Variants in ARL15 observed in about 807,000 individuals in gnomAD.
The protein encoded by ARL15 is ARF like GTPase 15.
ARL15 carries 19 observed loss-of-function variants against 25.2 expected under a neutral mutation model. That is an observed-to-expected ratio of 0.75 (90% CI 0.53 to 1.10). The LOEUF (loss-of-function observed/expected upper bound fraction) is 1.10, where lower values mean the gene tolerates loss of function less well. Among genes scored for constraint, ARL15 ranks in the 50% least tolerant of loss-of-function variants. The pLI is 0.00. For synonymous variants in ARL15, 94 were observed against 86.8 expected (o/e 1.08, Z -0.46); for missense variants, 220 against 246.0 (o/e 0.89, Z 0.71).
chr5:53,979,656 C>T (rs1301016154), intron 4 of ARL15, among the ~76,000 whole-genome samples: 2 of 152,206 alleles, frequency 1.3e-5, no homozygotes, highest in African/African-American at 2.4e-5. Context: ...GGAGACAATT[C>T]TGGCTGGCCT....
At chr5:53,914,993 T>G (rs1390319541) in intron 4 of ARL15, among the ~76,000 whole-genome samples, 2 of 152,182 alleles carry the variant, frequency 1.3e-5, no homozygotes, top group Non-Finnish European at 2.9e-5. Context: ...GTATTTTTAG[T>G]AGAGACGGGG....
chr5:54,146,282 T>C (rs1009649818), intron 3 of ARL15, among the ~76,000 whole-genome samples: 2 of 151,992 alleles, frequency 1.3e-5, no homozygotes, highest in African/African-American at 4.8e-5. Context: ...CATAATCCTG[T>C]ACAGAGGTTA....
chr5:54,194,843 T>G (rs1755506878), intron 1 of ARL15, among the ~76,000 whole-genome samples: 1 of 152,188 alleles, frequency 6.6e-6, no homozygotes, highest in Admixed American at 6.5e-5. Context: ...ATGTTTGATC[T>G]AACTTGTACC....
chr5:53,900,018 C>A (rs1236460251), intron 4 of ARL15, among the ~76,000 whole-genome samples: 1 of 152,196 alleles, frequency 6.6e-6, no homozygotes, highest in African/African-American at 2.4e-5. Context: ...ACTCAGCAAT[C>A]CCTTCTAGTA....
At chr5:54,061,437 C>A (rs1486518034) in intron 4 of ARL15, among the ~76,000 whole-genome samples, 1 of 151,972 alleles carries the variant, frequency 6.6e-6, no homozygotes, top group Non-Finnish European at 1.5e-5. Context: ...TAGTGAAACC[C>A]CATCACTACT....
rs1747470952 is a variant in ARL15 at position 53,964,243 on chromosome 5, TA to T, written c.463-77531del. Among the ~76,000 whole-genome samples, 4 of 152,376 alleles carry T rather than the reference TA, an allele frequency of 2.6e-5. No individual in the cohort carries two copies. The Middle Eastern group carries it at 0.01, about 389-fold the overall frequency. The stretch of plus-strand genomic sequence containing the variant: ...GTCCCACTAAAATCAGTTAGTATAG[TA>T]TCCCACTGTAAAGTCATTTCACTTT... On this transcript the variant is annotated intron_variant, in intron 4 of 4. Coordinates refer to ENST00000504924, the MANE Select transcript of ARL15 (RefSeq NM_019087.3).
intron 1 of ARL15, among the ~76,000 whole-genome samples, chr5:54,239,210 G>GAA (rs903595262): frequency 4.1e-5 from 6 of 146,632 alleles, no homozygotes; most frequent in Non-Finnish European, 7.5e-5. Context: ...AATGGCAAGG[G>GAA]AAAAGGCTTT....
chr5:53,890,059 C>T (rs1009247516), intron 4 of ARL15, among the ~76,000 whole-genome samples: 1 of 152,138 alleles, frequency 6.6e-6, no homozygotes, highest in Non-Finnish European at 1.5e-5. Flanking sequence ...ACAATCTGCC[C>T]ACCTTGGCCT....
intron 3 of ARL15, among the ~76,000 whole-genome samples, chr5:54,139,541 TA>T (rs954903189): frequency 6.6e-6 from 1 of 152,062 alleles, no homozygotes; most frequent in Admixed American, 6.5e-5. Flanking sequence ...GGGTAAGGGA[TA>T]AAAAACAACA....
At chr5:54,093,856 A>T (rs912879594) in intron 4 of ARL15, among the ~76,000 whole-genome samples, 1 of 152,226 alleles carries the variant, frequency 6.6e-6, no homozygotes, top group African/African-American at 2.4e-5. Flanking sequence ...TTTAGAATGC[A>T]TCCTGATGAA....
intron 4 of ARL15, among the ~76,000 whole-genome samples, chr5:53,980,296 CACTT>C (rs1580137730): frequency 6.6e-6 from 1 of 152,164 alleles, no homozygotes; most frequent in East Asian, 1.9e-4. Flanking sequence ...TTGTGCTAAA[CACTT>C]AATTTGCATT....
At chr5:54,203,151 C>T (rs1292371433) in intron 1 of ARL15, among the ~76,000 whole-genome samples, 2 of 152,100 alleles carry the variant, frequency 1.3e-5, no homozygotes, top group Non-Finnish European at 2.9e-5. Flanking sequence ...CATCCCACTC[C>T]ACCCTTACTA....
chr5:54,255,749 T>C (rs956185336), intron 1 of ARL15, among the ~76,000 whole-genome samples: 2 of 152,332 alleles, frequency 1.3e-5, no homozygotes, highest in Admixed American at 6.5e-5. Context: ...AAAAATATTG[T>C]ATAAAATTAC....
chr5:54,174,002 C>T (rs1181591355), intron 1 of ARL15, among the ~76,000 whole-genome samples: 2 of 152,090 alleles, frequency 1.3e-5, no homozygotes, highest in African/African-American at 4.8e-5. Context: ...CAGTCTGCTC[C>T]AATCCTAAGA....
At chr5:53,930,653 C>T (rs888504138) in intron 4 of ARL15, among the ~76,000 whole-genome samples, 3 of 151,882 alleles carry the variant, frequency 2.0e-5, no homozygotes, top group Non-Finnish European at 2.9e-5. Context: ...TTTCGGTGGT[C>T]GATTCACGCA....
intron 4 of ARL15, among the ~76,000 whole-genome samples, chr5:54,094,236 C>T (rs983367863): frequency 3.3e-5 from 5 of 152,090 alleles, no homozygotes; most frequent in Middle Eastern, 3.4e-3. Flanking sequence ...ATTTGGATTG[C>T]CTTAAAAATT....
rs1489964951 is a variant in ARL15 at position 54,113,427 on chromosome 5, A to G, written c.254-17T>C. The G allele has an allele frequency of 6.2e-7, 1 of 1,605,178 alleles. No homozygotes were observed. The highest frequency in any genetic ancestry group is 8.5e-7 in the Non-Finnish European group (1 of 1,177,290). On this transcript the variant is annotated splice_polypyrimidine_tract_variant and intron_variant, in intron 3 of 4. Coordinates refer to ENST00000504924, the MANE Select transcript of ARL15 (RefSeq NM_019087.3). ...TATCAGCCCCTGTCAAAAACAAAAC[A>G]AATTTTCGTTTTAAAAAGAGCTTTC...
At chr5:54,109,552 CAACTT>C (rs1752683173) in intron 4 of ARL15, among the ~76,000 whole-genome samples, 1 of 151,890 alleles carries the variant, frequency 6.6e-6, no homozygotes, top group Non-Finnish European at 1.5e-5. Flanking sequence ...GCTACTATAT[CAACTT>C]AACTTCTCAT....
intron 3 of ARL15, among the ~76,000 whole-genome samples, chr5:54,150,724 T>C (rs1051196319): frequency 5.9e-5 from 9 of 151,704 alleles, no homozygotes; most frequent in African/African-American, 1.7e-4. Context: ...CTTGAACCCA[T>C]GAGGCAGAGG....
Sources: gnomAD v4.1 joint callset for allele counts (sites outside exome capture counted in the v4.1 genomes callset) on GRCh38, gnomAD v4.1.1 for gene constraint, MANE v1.5 for transcripts, NCBI Gene and HGNC (gene_info 2026-07-23, HGNC 2026-07-21) for gene names.